CHD2: variants seen among roughly 807,000 people sequenced by gnomAD.
CHD2 encodes the protein ATP-dependent chromatin remodeler CHD2.
CHD2 carries 28 observed loss-of-function variants against 243.9 expected under a neutral mutation model. The ratio of observed to expected loss-of-function variants is 0.11; its 90% CI spans 0.09 to 0.16. CHD2 has a LOEUF of 0.16. CHD2 is among the 10% of genes least tolerant of loss of function. CHD2 has a pLI of 1.00. For synonymous variants in CHD2, 775 were observed against 779.0 expected (o/e 0.99, Z 0.09); for missense variants, 1,386 against 2,209.8 (o/e 0.63, Z 7.47).
At chr15:93,019,033 TAGGAGAAAAG>T (rs986275278) in intron 37 of CHD2, among the ~76,000 whole-genome samples, 8 of 152,208 alleles carry the variant, frequency 5.3e-5, no homozygotes, top group African/African-American at 1.7e-4. Context: ...TTCTTTTCCT[TAGGAGAAAAG>T]GAAGGCTACA....
intron 2 of CHD2, among the ~76,000 whole-genome samples, chr15:92,923,754 T>C (rs1046621972): frequency 6.6e-6 from 1 of 152,022 alleles, no homozygotes; most frequent in Non-Finnish European, 1.5e-5. Flanking sequence ...TTAATAGAGA[T>C]GGGGTTTCAC....
rs1596401935 is a variant in CHD2 at position 92,949,050 on chromosome 15, A to G, written c.1476A>G (p.Leu492=). ...LELRDYQLEG[L]NWLAHSWCKN... is the part of the protein sequence containing the mutation. ...TTCGAGATTATCAGCTAGAAGGTCT[A>G]AACTGGCTAGCTCATTCCTGGTGCA... The change falls in exon 13 of 39, where the codon CTA becomes CTG. Residue 492 remains leucine (L), a synonymous_variant. Transcript: ENST00000394196. 16 of 1,614,044 alleles carry G rather than the reference A, an allele frequency of 9.9e-6. No individual in the cohort carries two copies. The highest frequency in any genetic ancestry group is 1.4e-5 in the Non-Finnish European group (16 of 1,179,998).
chr15:92,952,187 T>A (rs1173609007), intron 13 of CHD2, among the ~76,000 whole-genome samples: 1 of 152,182 alleles, frequency 6.6e-6, no homozygotes, highest in Non-Finnish European at 1.5e-5. Context: ...TTAGATATTC[T>A]TTTTCCATTA....
At chr15:92,987,598 ACT>A (rs779252706) in intron 26 of CHD2, among the ~76,000 whole-genome samples, 1 of 142,896 alleles carries the variant, frequency 7.0e-6, no homozygotes, top group East Asian at 2.2e-4. Context: ...ACAGAGCAAA[ACT>A]CTCTAAAAGA....
intron 16 of CHD2, among the ~76,000 whole-genome samples, chr15:92,960,707 T>TC (rs952400293): frequency 1.5e-5 from 2 of 131,824 alleles, no homozygotes; most frequent in African/African-American, 6.0e-5. Context: ...TGTTTGGTGT[T>TC]TTTTTTTTTT....
chr15:93,020,636 TG>T, intron 38 of CHD2: 1 of 387,338 alleles, frequency 2.6e-6, no homozygotes, highest in Non-Finnish European at 4.7e-6. Flanking sequence ...AGCCCATAAT[TG>T]AAGAGTCAAA....
chr15:92,956,800 T>A, intron 16 of CHD2, 151 bp downstream of exon 16: 1 of 695,534 alleles, frequency 1.4e-6, no homozygotes, highest in Admixed American at 3.2e-5. Flanking sequence ...TAGTAAAATG[T>A]TTCATAATCA....
chr15:92,961,358 A>G (rs2141822585), intron 16 of CHD2, among the ~76,000 whole-genome samples: 1 of 152,096 alleles, frequency 6.6e-6, no homozygotes, highest in African/African-American at 2.4e-5. Context: ...AACTTGTCCT[A>G]ATTTGTTGGC....
rs758530082 is a variant in CHD2 at position 92,997,687 on chromosome 15, G to A, written c.3885+284G>A. 1.9e-4 allele frequency: 45 copies of A among 233,330 alleles called. No individual in the cohort carries two copies. Among genetic ancestry groups the A allele is most frequent in the Non-Finnish European group, 3.3e-4 (40 of 121,436 alleles). 14.5% of individuals were successfully genotyped at this position (233,330 alleles called of 1,614,324 possible). On this transcript the variant is annotated intron_variant, in intron 30 of 38. Coordinates refer to ENST00000394196, the MANE Select transcript of CHD2 (RefSeq NM_001271.4). The surrounding 1 kb of genome is among the most constrained non-coding windows in gnomAD (Gnocchi z 4.1). ...TTCATTACAATAAATACCCAGGTGA[G>A]TTTGTTAATGATAAAAGCATTCCTT...
Position 92,943,097 on chromosome 15 carries a change from T to TG in CHD2, c.1052+30dup, listed in dbSNP as rs1403555432. 1.9e-6 allele frequency: 3 copies of TG among 1,541,898 alleles called. No individual in the cohort carries two copies. In the South Asian group the frequency reaches 3.4e-5, roughly 17 times the overall value. ...TATTTTCCATCATGGATTAAAGAAA[T>TG]GTATTTGCAGCCTGAAAGAAGGGAA... On this transcript the variant is annotated intron_variant, in intron 9 of 38. Coordinates refer to ENST00000394196, the MANE Select transcript of CHD2 (RefSeq NM_001271.4).
intron 14 of CHD2, among the ~76,000 whole-genome samples, chr15:92,954,836 C>T (rs1207380581): frequency 6.6e-6 from 1 of 152,134 alleles, no homozygotes; most frequent in Admixed American, 6.5e-5. Context: ...ACTGCAAGAG[C>T]GTTGTCATGA....
chr15:92,935,893 C>T (rs986531384), intron 5 of CHD2, among the ~76,000 whole-genome samples: 2 of 152,102 alleles, frequency 1.3e-5, no homozygotes, highest in Non-Finnish European at 2.9e-5. Context: ...AGCACCCCTA[C>T]CCGTCTGACT....
chr15:93,020,524 G>C, intron 38 of CHD2: 1 of 595,798 alleles, frequency 1.7e-6, no homozygotes, highest in Non-Finnish European at 3.0e-6. Flanking sequence ...TAAAATATTA[G>C]AGTCAACAAC....
intron 38 of CHD2, chr15:93,022,162 G>A (rs1387493227): frequency 6.6e-6 from 1 of 152,160 alleles, no homozygotes; most frequent in Non-Finnish European, 1.5e-5. Flanking sequence ...GTTTTATTTG[G>A]CGCACAGTTC....
intron 21 of CHD2, among the ~76,000 whole-genome samples, chr15:92,978,874 C>T (rs1483331791): frequency 1.3e-5 from 2 of 152,116 alleles, no homozygotes; most frequent in African/African-American, 2.4e-5. Flanking sequence ...ATCACTGAAG[C>T]ACGATTTTTA....
intron 16 of CHD2, among the ~76,000 whole-genome samples, chr15:92,962,388 G>A (rs1375767863): frequency 2.0e-5 from 3 of 151,842 alleles, no homozygotes; most frequent in Non-Finnish European, 2.9e-5. Flanking sequence ...GTTTTCATTT[G>A]ATTTCATCTA....
chr15:92,966,528 C>T (rs1004522328), intron 16 of CHD2, among the ~76,000 whole-genome samples: 2 of 152,130 alleles, frequency 1.3e-5, no homozygotes, highest in Non-Finnish European at 2.9e-5. Flanking sequence ...ATGTCTACCC[C>T]AAAAGATCAT....
intron 2 of CHD2, among the ~76,000 whole-genome samples, chr15:92,916,536 T>C (rs1232724860): frequency 6.6e-6 from 1 of 152,226 alleles, no homozygotes; most frequent in Non-Finnish European, 1.5e-5. Flanking sequence ...TGCCCACAAA[T>C]TGAATTACAG....
At chr15:92,912,855 A>C (rs2052766376) in intron 2 of CHD2, among the ~76,000 whole-genome samples, 1 of 152,204 alleles carries the variant, frequency 6.6e-6, no homozygotes, top group Non-Finnish European at 1.5e-5. Context: ...AGGCCCTGAC[A>C]AACTAAAATG....
Sources: allele counts gnomAD v4.1 joint callset (sites outside exome capture counted in the v4.1 genomes callset), GRCh38; gene constraint gnomAD v4.1.1; non-coding constraint Gnocchi (gnomAD v3.1); transcripts MANE v1.5; gene names NCBI Gene and HGNC (gene_info 2026-07-23, HGNC 2026-07-21).